Variants in CD244 observed in about 807,000 individuals in gnomAD.
CD244 encodes natural killer cell receptor 2B4.
Under a neutral mutation model 45.5 loss-of-function variants are expected in CD244, and 20 were observed. The observed-to-expected ratio is 0.44, with a 90% CI of 0.31 to 0.64. The LOEUF is 0.64. Ranked by LOEUF, CD244 falls within the 30% of genes least tolerant of loss-of-function variation. The pLI, the probability that CD244 is intolerant of heterozygous loss-of-function variation, is 0.08. For missense variants in CD244, 407 were observed against 426.9 expected (o/e 0.95, Z 0.41); for synonymous variants, 185 against 160.5 (o/e 1.15, Z -1.15).
chr1:160,839,417 G>C (rs959208889), intron 3 of CD244, among the ~76,000 whole-genome samples: 3 of 152,160 alleles, frequency 2.0e-5, no homozygotes, highest in Non-Finnish European at 4.4e-5. Flanking sequence ...TTAATTACAT[G>C]ATCTAATACA....
chr1:160,839,241 G>A, intron 3 of CD244, 192 bp from the exon 4 acceptor site: 1 of 532,834 alleles, frequency 1.9e-6, no homozygotes, highest in East Asian at 3.3e-5. Flanking sequence ...GATGCCAAGA[G>A]CATAGATATA....
intron 1 of CD244, among the ~76,000 whole-genome samples, chr1:160,856,399 G>A (rs889578834): frequency 2.6e-5 from 4 of 152,246 alleles, no homozygotes; most frequent in African/African-American, 9.6e-5. Flanking sequence ...ATGATAACAA[G>A]TGCATCTCCC....
chr1:160,835,959 T>C (rs1291009486), intron 6 of CD244, among the ~76,000 whole-genome samples: 1 of 152,200 alleles, frequency 6.6e-6, no homozygotes, highest in African/African-American at 2.4e-5. Flanking sequence ...GGCCAGACCT[T>C]CTGCCAGACA....
chr1:160,861,125 C>T (rs771160689), intron 1 of CD244, among the ~76,000 whole-genome samples: 3 of 152,220 alleles, frequency 2.0e-5, no homozygotes, highest in Non-Finnish European at 2.9e-5. Context: ...AGTCCTCCTT[C>T]GGCTGTCTGA....
In CD244 at chr1:160,831,429, T is replaced by G; in HGVS notation, c.1018-2A>C. ...GGCTTTAGGTTGACTCTTTCCAATC[T>G]GCAAAAGAAAAGGAGAAACTTCAGA... On this transcript the variant is annotated splice_acceptor_variant, in intron 8 of 8. Coordinates refer to ENST00000368034, the MANE Select transcript of CD244 (RefSeq NM_016382.4). LOFTEE classifies it high-confidence loss of function. 6.2e-7 allele frequency: 1 copy of G among 1,612,232 alleles called. No homozygotes were observed. Among genetic ancestry groups the G allele is most frequent in the East Asian group, 2.2e-5 (1 of 44,870 alleles).
intron 2 of CD244, 33 bp from the exon 3 acceptor site, chr1:160,841,518 G>A: frequency 6.2e-7 from 1 of 1,613,302 alleles, no homozygotes; most frequent in Admixed American, 1.7e-5. Context: ...GAAAGGCATT[G>A]GAAATACAGA....
At chr1:160,858,547 C>T (rs1670188416) in intron 1 of CD244, among the ~76,000 whole-genome samples, 1 of 152,160 alleles carries the variant, frequency 6.6e-6, no homozygotes, top group Non-Finnish European at 1.5e-5. Context: ...GGGCCCAGGC[C>T]TATTCCCTGG....
rs186286188 is a variant in CD244, at chr1:160,830,834, C to T, written c.*513G>A. On this transcript the variant is annotated 3_prime_UTR_variant, in exon 9 of 9. Transcript: ENST00000368034. ...AAGCCCAGGCCCTGGCCCCCACCCA[C>T]GTGCAGAACCTGCCAGCCAGTTCAC... 5.0e-4 allele frequency: 77 copies of T among 154,528 alleles called. No homozygotes were observed. Among genetic ancestry groups the T allele is most frequent in the South Asian group, 1.8e-3 (9 of 4,994 alleles). 9.6% of individuals were successfully genotyped at this position (154,528 alleles called of 1,614,324 possible).
chr1:160,833,800 G>C (rs181888276), intron 7 of CD244, among the ~76,000 whole-genome samples: 1 of 152,292 alleles, frequency 6.6e-6, no homozygotes, highest in Admixed American at 6.5e-5. Context: ...ACCTCCCACA[G>C]AAACTCCCAA....
intron 6 of CD244, among the ~76,000 whole-genome samples, chr1:160,835,776 TAA>T (rs1244621462): frequency 1.3e-5 from 2 of 152,174 alleles, no homozygotes; most frequent in African/African-American, 4.8e-5. Context: ...ACATTATTGC[TAA>T]GTCATAATAA....
intron 1 of CD244, among the ~76,000 whole-genome samples, chr1:160,850,324 G>A (rs796557644): frequency 5.3e-5 from 8 of 152,140 alleles, no homozygotes; most frequent in African/African-American, 1.7e-4. Flanking sequence ...AAAAATTAAA[G>A]AGCTAAATAA....
rs370978919 is a variant in CD244, at chr1:160,841,471, G to A, written c.394C>T (p.Pro132Ser). ...QVFVFDKVEK[P>S]RLQGQGKILD... Reference sequence around the variant, plus strand: ...ATCTTCCCCTGCCCCTGTAGGCGGGGTTTCTCAACTTTATCTGGAAGCAGA... The same window carrying A: ...ATCTTCCCCTGCCCCTGTAGGCGGGATTTCTCAACTTTATCTGGAAGCAGA... The change falls in exon 3 of 9, where the codon CCC becomes TCC. Residue 132 changes from proline to serine, a missense_variant. Pro to Ser is a moderately conservative substitution (Grantham distance 74). Coordinates refer to ENST00000368034, the MANE Select transcript of CD244 (RefSeq NM_016382.4). 9.9e-6 allele frequency: 16 copies of A among 1,613,908 alleles called. No homozygotes were observed. The highest frequency in any genetic ancestry group is 1.4e-5 in the Non-Finnish European group (16 of 1,180,008).
At chr1:160,832,696 A>G (rs1557829218) in intron 7 of CD244, 121 bp from the exon 8 acceptor site, 4 of 1,542,098 alleles carry the variant, frequency 2.6e-6, no homozygotes, top group African/African-American at 2.7e-5. Flanking sequence ...ACTCTCAGCC[A>G]GAAAATGAAT....
rs74124290 is a variant in CD244, at chr1:160,842,580, G to A, written c.62-679C>T. Among the ~76,000 whole-genome samples, 713 of 152,206 alleles carry A rather than the reference G, an allele frequency of 4.7e-3. 4 individuals are homozygous for A. Among genetic ancestry groups the A allele is most frequent in the African/African-American group, 0.016 (668 of 41,518 alleles). ...ATGGTCAGGCCCAGGAAGACTAACCGTCCAAGCTGAACTCATGGCCCCTCA... is the reference window on the plus strand; with the variant it reads ...ATGGTCAGGCCCAGGAAGACTAACCATCCAAGCTGAACTCATGGCCCCTCA... On this transcript the variant is annotated intron_variant, in intron 1 of 8. Coordinates refer to ENST00000368034, the MANE Select transcript of CD244 (RefSeq NM_016382.4).
chr1:160,861,079 T>C (rs1458595117), intron 1 of CD244, among the ~76,000 whole-genome samples: 1 of 152,188 alleles, frequency 6.6e-6, no homozygotes, highest in African/African-American at 2.4e-5. Flanking sequence ...AGCTTCTCTG[T>C]TACTCTCATC....
chr1:160,832,312 C>A (rs1669154362), intron 8 of CD244, among the ~76,000 whole-genome samples: 1 of 152,202 alleles, frequency 6.6e-6, no homozygotes, highest in African/African-American at 2.4e-5. Context: ...CATATCTAAA[C>A]ACGCAATATG....
At chr1:160,834,139 C>A (rs367671095) in intron 6 of CD244, 23 bp from the exon 7 acceptor site, 1 of 1,521,146 alleles carries the variant, frequency 6.6e-7, no homozygotes, top group East Asian at 2.3e-5. Flanking sequence ...GAAATAAAAT[C>A]ATTTCAGAAG....
At chr1:160,833,642 C>G (rs1669217990) in intron 7 of CD244, among the ~76,000 whole-genome samples, 1 of 152,194 alleles carries the variant, frequency 6.6e-6, no homozygotes, top group Non-Finnish European at 1.5e-5. Flanking sequence ...TTGTGTCTCT[C>G]TAGATCCAGT....
chr1:160,832,843 A>C (rs1553194325), intron 7 of CD244: 1 of 451,600 alleles, frequency 2.2e-6, no homozygotes, highest in Non-Finnish European at 4.2e-6. Flanking sequence ...ATACACCTAA[A>C]ACCCATACAC....
Sources: allele counts gnomAD v4.1 joint callset (sites outside exome capture counted in the v4.1 genomes callset), GRCh38; gene constraint gnomAD v4.1.1; transcripts MANE v1.5; gene names NCBI Gene and HGNC (gene_info 2026-07-23, HGNC 2026-07-21).